Variants in VGLL2 observed in about 807,000 individuals in gnomAD.
VGLL2 encodes transcription cofactor vestigial-like protein 2.
VGLL2 carries 18 observed loss-of-function variants against 27.0 expected under a neutral mutation model. The observed-to-expected ratio is 0.67, with a 90% CI of 0.46 to 0.99. The LOEUF (loss-of-function observed/expected upper bound fraction) is 0.99. Among genes scored for constraint, VGLL2 ranks in the 50% least tolerant of loss-of-function variants. VGLL2 has a pLI of 0.00. For synonymous variants in VGLL2, 220 were observed against 201.1 expected, an observed-to-expected ratio of 1.09 and a Z score of -0.80; for missense variants, 491 against 452.3, an observed-to-expected ratio of 1.09 and a Z score of -0.78.
chr6:117,267,171 G>A (rs1240321786), intron 1 of VGLL2, among the ~76,000 whole-genome samples: 2 of 152,126 alleles, frequency 1.3e-5, no homozygotes, highest in Non-Finnish European at 2.9e-5. Context: ...CCCAGACCCC[G>A]AACCAATCTA....
At chr6:117,272,383 C>A (rs1186486886) in intron 3 of VGLL2, 71 bp from the exon 4 acceptor site, 15 of 1,613,700 alleles carry the variant, frequency 9.3e-6, no homozygotes, top group Non-Finnish European at 1.1e-5. Flanking sequence ...TAGGTCTCTG[C>A]ATAGTGCAAT....
intron 1 of VGLL2, 110 bp from the exon 2 acceptor site, chr6:117,268,072 A>G (rs1773104752): frequency 2.6e-6 from 3 of 1,163,022 alleles, no homozygotes; most frequent in South Asian, 2.9e-5. Flanking sequence ...TTAAGCCCAT[A>G]TGCCAGTTTC....
intron 1 of VGLL2, among the ~76,000 whole-genome samples, chr6:117,267,108 T>C (rs61153326): frequency 0.085 from 12,963 of 152,174 alleles, 1,840 homozygotes; most frequent in African/African-American, 0.3. Flanking sequence ...GGTGGGACTA[T>C]GGCAAGCAAA....
At position 117,270,761 on chromosome 6, in the gene VGLL2, C is replaced by T. The variant is rs919394846; in HGVS notation, c.610C>T (p.Pro204Ser). Residue 204 changes from proline (P) to serine (S), a missense_variant, in exon 3 of 4, where the codon CCG becomes TCG. Coordinates refer to ENST00000326274, the MANE Select transcript of VGLL2 (RefSeq NM_182645.3). ...WHHAHPHHAH[P>S]HHPYALGGAL... Reference sequence around the variant, plus strand: ...CCACGCGCACCCGCACCACGCGCACCCGCATCACCCCTACGCCCTGGGCGG... The same window carrying T: ...CCACGCGCACCCGCACCACGCGCACTCGCATCACCCCTACGCCCTGGGCGG... The T allele has an allele frequency of 1.7e-5, 25 of 1,499,010 alleles. No individual in the cohort carries two copies. The highest frequency in any genetic ancestry group is 4.4e-5 in the African/African-American group (3 of 68,646). 92.9% of individuals were successfully genotyped at this position (1,499,010 alleles called of 1,614,324 possible). A position where few individuals can be genotyped will look rare whatever the true frequency, so the allele number is the denominator to read the frequency against.
rs1183268810 is a variant in VGLL2, at chr6:117,268,499, T to C, written c.391+8T>C. The C allele has an allele frequency of 6.3e-7, 1 of 1,592,592 alleles. No homozygotes were observed. The highest frequency in any genetic ancestry group is 8.6e-7 in the Non-Finnish European group (1 of 1,169,162). ...GCTCTGGGCCCTGGCGAGGTGAGTA[T>C]AGGGCCCTGCTGGGAAGGACCCATA... On this transcript the variant is annotated splice_region_variant and intron_variant, in intron 2 of 3. Coordinates refer to ENST00000326274, the MANE Select transcript of VGLL2 (RefSeq NM_182645.3).
At position 117,271,002 on chromosome 6, in the gene VGLL2, G is replaced by A; in HGVS notation, c.851G>A (p.Gly284Glu). 8.1e-7 allele frequency: 1 copy of A among 1,232,712 alleles called. No individual in the cohort carries two copies. Among genetic ancestry groups the A allele is most frequent in the Non-Finnish European group, 1.0e-6 (1 of 990,944 alleles). The allele number at this position is 1,232,712 out of a possible 1,614,324, so 76.4% of individuals were successfully genotyped here. A position where few individuals can be genotyped will look rare whatever the true frequency, so the allele number is the denominator to read the frequency against. Residue 284 changes from glycine (G) to glutamate (E), a missense_variant, in exon 3 of 4, where the codon GGG becomes GAG. By Grantham distance (98) the Gly-to-Glu change is moderately conservative. Transcript: ENST00000326274. The part of the protein sequence containing the change: ...EPAGAAWAGP[G>E]GPFASPSGDV... ...GCGGGCGCCGCGTGGGCCGGGCCCG[G>A]GGGACCCTTCGCGAGCCCCTCGGGG...
At chr6:117,265,899 G>A (rs1483316994) in intron 1 of VGLL2, 55 bp downstream of exon 1, 22 of 1,512,092 alleles carry the variant, frequency 1.5e-5, no homozygotes, top group Non-Finnish European at 2.0e-5. Context: ...CGTTTGCGGC[G>A]GCATGGCCTG....
Position 117,265,601 on chromosome 6 carries a change from G to A in VGLL2, c.-163G>A. On this transcript the variant is annotated 5_prime_UTR_variant, in exon 1 of 4. Transcript: ENST00000326274. The stretch of plus-strand genomic sequence containing the variant: ...GGTCGGGAGTAAAATCGCAGGAGTG[G>A]GAGGGTAGCGAGCCAGCTGGATTCC... The A allele has an allele frequency of 1.5e-6, 1 of 646,642 alleles. No homozygotes were observed. The highest frequency in any genetic ancestry group is 2.8e-6 in the Non-Finnish European group (1 of 359,142). The allele number at this position is 646,642 out of a possible 1,614,324, so 40.1% of individuals were successfully genotyped here.
At chr6:117,270,472 C>T in intron 2 of VGLL2, 71 bp from the exon 3 acceptor site, 1 of 1,481,354 alleles carries the variant, frequency 6.8e-7, no homozygotes, top group Non-Finnish European at 9.0e-7. Flanking sequence ...TGCAGGTCGG[C>T]GCTGAGTCCA....
chr6:117,273,218 T>C lies in VGLL2; in HGVS notation c.*724T>C, dbSNP rs1773239304. On this transcript the variant is annotated 3_prime_UTR_variant, in exon 4 of 4. Coordinates refer to ENST00000326274, the MANE Select transcript of VGLL2 (RefSeq NM_182645.3). ...GCAGAACAATTGCAATTGCACTGGG[T>C]ATATTATATATATATATGTATGCAT... 6.6e-6 allele frequency: 1 copy of C among 152,432 alleles called. No individual in the cohort carries two copies. Among genetic ancestry groups the C allele is most frequent in the Non-Finnish European group, 1.5e-5 (1 of 68,044 alleles). The allele number at this position is 152,432 out of a possible 1,614,324, so 9.4% of individuals were successfully genotyped here.
chr6:117,271,564 A>G (rs957571763), intron 3 of VGLL2, among the ~76,000 whole-genome samples: 5 of 152,124 alleles, frequency 3.3e-5, no homozygotes, highest in African/African-American at 1.2e-4. Context: ...TTTTCAACAC[A>G]TTGCATATCG....
chr6:117,272,215 T>A, intron 3 of VGLL2: 1 of 709,500 alleles, frequency 1.4e-6, no homozygotes, highest in Non-Finnish European at 1.7e-6. Flanking sequence ...TTTGTTCTCC[T>A]CCTTCTCCTT....
chr6:117,272,815 G>A lies in VGLL2; in HGVS notation c.*321G>A, dbSNP rs1773229664. 2 of 415,362 alleles carry A rather than the reference G, an allele frequency of 4.8e-6. No homozygotes were observed. The highest frequency in any genetic ancestry group is 8.6e-6 in the Non-Finnish European group (2 of 233,044). The allele number at this position is 415,362 out of a possible 1,614,324, so 25.7% of individuals were successfully genotyped here. On this transcript the variant is annotated 3_prime_UTR_variant, in exon 4 of 4. Coordinates refer to ENST00000326274, the MANE Select transcript of VGLL2 (RefSeq NM_182645.3). Reference sequence around the variant, plus strand: ...CGGGGGAAAGAAAATGAAACTTTTTGGTGTGAATATTTTTTATGCTGATGT... The same window carrying A: ...CGGGGGAAAGAAAATGAAACTTTTTAGTGTGAATATTTTTTATGCTGATGT...
At chr6:117,266,040 T>C (rs1773061388) in intron 1 of VGLL2, among the ~76,000 whole-genome samples, 196 bp downstream of exon 1, 1 of 152,250 alleles carries the variant, frequency 6.6e-6, no homozygotes, top group Non-Finnish European at 1.5e-5. Flanking sequence ...CTCGCCTGTT[T>C]GCTCTCGGGA....
chr6:117,270,717 G>C lies in VGLL2; in HGVS notation c.566G>C (p.Gly189Ala). ...GCGCTGCATGGCCACCTGCACCAGG[G>C]CGCCACGGAGCCCTGGCACCACGCG... ...PAALHGHLHQ[G>A]ATEPWHHAHP... The change falls in exon 3 of 4, where the codon GGC (glycine) becomes GCC (alanine). Residue 189 changes from glycine to alanine, a missense_variant. Physicochemically the swap from Gly to Ala is moderately conservative, Grantham distance 60. Coordinates refer to ENST00000326274, the MANE Select transcript of VGLL2 (RefSeq NM_182645.3). The C allele has an allele frequency of 6.5e-7, 1 of 1,527,474 alleles. No homozygotes were observed. The highest frequency in any genetic ancestry group is 8.7e-7 in the Non-Finnish European group (1 of 1,146,982). 94.6% of individuals were successfully genotyped at this position (1,527,474 alleles called of 1,614,324 possible).
chr6:117,272,264 C>A (rs902711587), intron 3 of VGLL2, 190 bp from the exon 4 acceptor site: 13 of 979,072 alleles, frequency 1.3e-5, no homozygotes, highest in African/African-American at 3.5e-5. Context: ...CTCTCTTTCC[C>A]TCCCTCTCCA....
At chr6:117,267,728 T>C (rs1443713714) in intron 1 of VGLL2, among the ~76,000 whole-genome samples, 1 of 152,244 alleles carries the variant, frequency 6.6e-6, no homozygotes, top group African/African-American at 2.4e-5. Flanking sequence ...ATCAGGAGGA[T>C]GTTTATCCTG....
intron 2 of VGLL2, among the ~76,000 whole-genome samples, chr6:117,268,829 C>T (rs201622184): frequency 1.3e-5 from 2 of 152,150 alleles, no homozygotes; most frequent in East Asian, 3.9e-4. Flanking sequence ...CTCCTAACCC[C>T]AGAGAAGGCT....
Position 117,272,637 on chromosome 6 carries a change from A to G in VGLL2, c.*143A>G, listed in dbSNP as rs1773225463. 4 of 1,132,354 alleles carry G rather than the reference A, an allele frequency of 3.5e-6. No individual in the cohort carries two copies. The South Asian group carries it at 6.0e-5, about 17-fold the overall frequency. 70.1% of individuals were successfully genotyped at this position (1,132,354 alleles called of 1,614,324 possible). A position where few individuals can be genotyped will look rare whatever the true frequency, so the allele number is the denominator to read the frequency against. On this transcript the variant is annotated 3_prime_UTR_variant, in exon 4 of 4. Transcript: ENST00000326274. ...CAGTGTGTTGGGAAAACCAAAAACC[A>G]CAACTACAGAAATTCATCTAAAAAT...
Sources: gnomAD v4.1 joint callset for allele counts (sites outside exome capture counted in the v4.1 genomes callset) on GRCh38, gnomAD v4.1.1 for gene constraint, MANE v1.5 for transcripts, NCBI Gene and HGNC (gene_info 2026-07-23, HGNC 2026-07-21) for gene names.